Variants in PCBP3 observed in about 807,000 individuals in gnomAD.
The protein encoded by PCBP3 is poly(rC)-binding protein 3.
A neutral mutation model predicts 52.7 loss-of-function variants in PCBP3; 25 were observed. The observed-to-expected ratio is 0.47, with a 90% CI of 0.35 to 0.66. The LOEUF is 0.66. Ranked by LOEUF, PCBP3 falls within the 30% of genes least tolerant of loss-of-function variation. PCBP3 has a pLI of 0.01. For synonymous variants in PCBP3, 162 were observed against 183.0 expected (o/e 0.89, Z 0.93); for missense variants, 391 against 490.3 (o/e 0.80, Z 1.91).
At position 45,906,491 on chromosome 21, in the gene PCBP3, GC is replaced by G. The variant is rs547169534; in HGVS notation, c.340-2861del. On this transcript the variant is annotated intron_variant, in intron 9 of 17. Coordinates refer to ENST00000681687, the MANE Select transcript of PCBP3 (RefSeq NM_001384156.1). ...CAGGGGCCGTTTGTCTGTAGTTTGAGCCCTTCTTTTGGATTTGGGGTCACAG... is the reference window on the plus strand; with the variant it reads ...CAGGGGCCGTTTGTCTGTAGTTTGAGCCTTCTTTTGGATTTGGGGTCACAG... 1.6e-3 allele frequency among the ~76,000 whole-genome samples: 236 copies of G among 152,234 alleles called. 1 individual carries two copies. The highest frequency in any genetic ancestry group is 5.5e-3 in the African/African-American group (229 of 41,544).
chr21:45,865,654 G>A (rs771170475), intron 5 of PCBP3, among the ~76,000 whole-genome samples: 1 of 152,172 alleles, frequency 6.6e-6, no homozygotes, highest in Non-Finnish European at 1.5e-5. Flanking sequence ...GAACTGAAAG[G>A]GCTGCTCGGT....
chr21:45,840,669 A>G (rs1379493848), intron 4 of PCBP3, among the ~76,000 whole-genome samples: 2 of 152,154 alleles, frequency 1.3e-5, no homozygotes, highest in Non-Finnish European at 2.9e-5. Flanking sequence ...TAAGTGCCCT[A>G]GACAGGTGTG....
At position 45,827,616 on chromosome 21, in the gene PCBP3, C is replaced by T. The variant is rs2093341892; in HGVS notation, c.-125-22345C>T. On this transcript the variant is annotated intron_variant, in intron 4 of 17. Coordinates refer to ENST00000681687, the MANE Select transcript of PCBP3 (RefSeq NM_001384156.1). The surrounding 1 kb of genome is among the most constrained non-coding windows in gnomAD (Gnocchi z 4.3). The stretch of plus-strand genomic sequence containing the variant: ...AGTCGAGGTTTCAGAACTGAAAGTA[C>T]AGCCACCAGAATTTAGAAATTCACA... Among the ~76,000 whole-genome samples the T allele has an allele frequency of 6.6e-6, 1 of 152,202 alleles. No individual in the cohort carries two copies. The highest frequency in any genetic ancestry group is 1.5e-5 in the Non-Finnish European group (1 of 68,036).
intron 5 of PCBP3, among the ~76,000 whole-genome samples, chr21:45,868,930 C>G (rs889747449): frequency 3.3e-5 from 5 of 152,210 alleles, no homozygotes; most frequent in African/African-American, 9.6e-5. Flanking sequence ...GCAAAGCTCA[C>G]GAGACTCACT....
intron 4 of PCBP3, among the ~76,000 whole-genome samples, chr21:45,804,942 G>A (rs180676489): frequency 1.4e-4 from 22 of 152,098 alleles, no homozygotes; most frequent in Admixed American, 8.5e-4. Flanking sequence ...TAACCCTGCC[G>A]TGGCAGGCCC....
chr21:45,682,743 G>A (rs1466943313), intron 2 of PCBP3, among the ~76,000 whole-genome samples: 1 of 152,026 alleles, frequency 6.6e-6, no homozygotes, highest in Non-Finnish European at 1.5e-5. Context: ...AGCAGGCTAG[G>A]GGGAACAGAA....
rs745380459 is a variant in PCBP3 at position 45,724,052 on chromosome 21, C to A, written c.-199-11340C>A. On this transcript the variant is annotated intron_variant, in intron 2 of 17. Coordinates refer to ENST00000681687, the MANE Select transcript of PCBP3 (RefSeq NM_001384156.1). This position sits in a 1 kb window ranked among gnomAD's most constrained non-coding sequence, Gnocchi z 5.3. ...CACTGTAAAACTCTCAATTCACTCA[C>A]CTGGAGGGGGTAAGTTAATGAGACA... Among the ~76,000 whole-genome samples the A allele has an allele frequency of 3.3e-5, 5 of 152,180 alleles. No individual in the cohort carries two copies. The highest frequency in any genetic ancestry group is 7.3e-5 in the Non-Finnish European group (5 of 68,040).
chr21:45,864,532 T>C (rs1231815752), intron 5 of PCBP3, among the ~76,000 whole-genome samples: 1 of 152,382 alleles, frequency 6.6e-6, no homozygotes, highest in East Asian at 1.9e-4. Context: ...TGAACTAAAG[T>C]GTTCCCTTAG....
chr21:45,901,197 C>G (rs1371999731), intron 9 of PCBP3, 84 bp downstream of exon 9: 7 of 956,792 alleles, frequency 7.3e-6, no homozygotes, highest in Non-Finnish European at 1.2e-5. Context: ...TCCCCTACAC[C>G]TGGACTAGGG....
At position 45,791,244 on chromosome 21, in the gene PCBP3, C is replaced by A. The variant is rs77877191; in HGVS notation, c.-126+35792C>A. Among the ~76,000 whole-genome samples the A allele has an allele frequency of 2.4e-3, 366 of 152,162 alleles. 3 individuals are homozygous for A. Among genetic ancestry groups the A allele is most frequent in the African/African-American group, 8.3e-3 (346 of 41,482 alleles). ...TGCATATTTATATGTTTTTGATGTA[C>A]GATAAAAGGCAGTTTCATATGGGTC... is the stretch of plus-strand genomic sequence containing the variant. On this transcript the variant is annotated intron_variant, in intron 4 of 17. Coordinates refer to ENST00000681687, the MANE Select transcript of PCBP3 (RefSeq NM_001384156.1). This position sits in a 1 kb window ranked among gnomAD's most constrained non-coding sequence, Gnocchi z 4.2.
chr21:45,805,828 G>A lies in PCBP3; in HGVS notation c.-125-44133G>A, dbSNP rs59785950. ...GCTCCTGTCTTTCTGTGGCAGCGAA[G>A]GTGGCATTCCCTCCTAGCACCTGCA... On this transcript the variant is annotated intron_variant, in intron 4 of 17. Transcript: ENST00000681687. The surrounding 1 kb of genome is among the most constrained non-coding windows in gnomAD (Gnocchi z 4.6). Among the ~76,000 whole-genome samples, 22,764 of 152,092 alleles carry A rather than the reference G, an allele frequency of 0.15. 1,891 individuals carry two copies. Among genetic ancestry groups the A allele is most frequent in the Middle Eastern group, 0.3 (89 of 294 alleles).
intron 1 of PCBP3, among the ~76,000 whole-genome samples, chr21:45,658,522 T>A (rs2080172066): frequency 6.6e-6 from 1 of 152,222 alleles, no homozygotes; most frequent in Non-Finnish European, 1.5e-5. Flanking sequence ...CAGGCTGGTC[T>A]TGAACTCCTG....
At chr21:45,752,297 T>C (rs1304161159) in intron 3 of PCBP3, among the ~76,000 whole-genome samples, 3 of 152,058 alleles carry the variant, frequency 2.0e-5, no homozygotes, top group Admixed American at 2.0e-4. Context: ...TTCTATGGGA[T>C]GTTTATTTTT....
rs542598103 is a variant in PCBP3, at chr21:45,729,855, G to A, written c.-199-5537G>A. Among the ~76,000 whole-genome samples, 350 of 152,060 alleles carry A rather than the reference G, an allele frequency of 2.3e-3. 1 individual carries two copies. The highest frequency in any genetic ancestry group is 3.0e-3 in the Non-Finnish European group (204 of 68,000). On this transcript the variant is annotated intron_variant, in intron 2 of 17. Transcript: ENST00000681687. Reference sequence around the variant, plus strand: ...TGTAACCTTGAACTTCTTGGCTCACGTGATCTTCCTGCCTCTGCCTCTCAA... The same window carrying A: ...TGTAACCTTGAACTTCTTGGCTCACATGATCTTCCTGCCTCTGCCTCTCAA...
intron 4 of PCBP3, among the ~76,000 whole-genome samples, chr21:45,777,970 CT>C (rs71318012): frequency 3.8e-3 from 493 of 130,684 alleles, no homozygotes; most frequent in African/African-American, 6.2e-3. Context: ...TGGGGAGGGC[CT>C]TTTTTTTTTT....
intron 2 of PCBP3, among the ~76,000 whole-genome samples, chr21:45,687,713 G>A (rs1247221437): frequency 3.3e-5 from 5 of 151,554 alleles, no homozygotes; most frequent in East Asian, 1.9e-4. Context: ...AAGACTAATC[G>A]GAGATAAAGA....
chr21:45,764,531 G>C (rs922332191), intron 4 of PCBP3, among the ~76,000 whole-genome samples: 1 of 152,186 alleles, frequency 6.6e-6, no homozygotes, highest in African/African-American at 2.4e-5. Context: ...CCCTATTTCT[G>C]ACCACTTCCG....
At chr21:45,763,078 T>C (rs1245785536) in intron 4 of PCBP3, 3 of 152,134 alleles carry the variant, frequency 2.0e-5, no homozygotes, top group Admixed American at 6.5e-5. Flanking sequence ...CACATACCTC[T>C]TAGAAGGCCG....
chr21:45,911,144 T>TG (rs755616725), intron 11 of PCBP3, 114 bp downstream of exon 11: 6 of 1,257,068 alleles, frequency 4.8e-6, no homozygotes, highest in East Asian at 2.3e-5. Flanking sequence ...GTTGGGGCTG[T>TG]GGGGGGCTCC....
Sources: allele counts gnomAD v4.1 joint callset (sites outside exome capture counted in the v4.1 genomes callset), GRCh38; gene constraint gnomAD v4.1.1; non-coding constraint Gnocchi (gnomAD v3.1); transcripts MANE v1.5; gene names NCBI Gene and HGNC (gene_info 2026-07-23, HGNC 2026-07-21).